Variants in EVA1C observed in about 807,000 individuals in gnomAD.
EVA1C encodes eva-1 homolog C, also known as protein eva-1 homolog C.
A neutral mutation model predicts 45.4 loss-of-function variants in EVA1C; 25 were observed. The ratio of observed to expected loss-of-function variants is 0.55; its 90% CI spans 0.40 to 0.77. EVA1C has a LOEUF of 0.77. Ranked by LOEUF, EVA1C falls within the 30% of genes least tolerant of loss-of-function variation. The pLI, the probability that EVA1C is intolerant of heterozygous loss-of-function variation, is 0.00. For synonymous variants in EVA1C, 190 were observed against 221.2 expected, an observed-to-expected ratio of 0.86 and a Z score of 1.25; for missense variants, 479 against 554.8, an observed-to-expected ratio of 0.86 and a Z score of 1.37.
At chr21:32,485,269 T>G (rs1867276735) in intron 4 of EVA1C, among the ~76,000 whole-genome samples, 1 of 152,020 alleles carries the variant, frequency 6.6e-6, no homozygotes, top group Non-Finnish European at 1.5e-5. Context: ...CAGCCTCCAC[T>G]TCCCAGGTTC....
intron 1 of EVA1C, among the ~76,000 whole-genome samples, chr21:32,447,253 T>C (rs1347710116): frequency 6.6e-6 from 1 of 151,658 alleles, no homozygotes; most frequent in Non-Finnish European, 1.5e-5. Context: ...GGCACTGTAG[T>C]CCCAGCTACT....
intron 5 of EVA1C, chr21:32,497,273 G>T: frequency 1.4e-6 from 1 of 736,492 alleles, no homozygotes; most frequent in South Asian, 1.4e-5. Flanking sequence ...CATGACATTA[G>T]ATCAAAGAAA....
intron 4 of EVA1C, among the ~76,000 whole-genome samples, chr21:32,487,718 T>TA (rs2037018679): frequency 8.1e-6 from 1 of 124,116 alleles, no homozygotes; most frequent in Non-Finnish European, 1.7e-5. Flanking sequence ...AGACTCCATC[T>TA]CAAAAAAAAA....
intron 1 of EVA1C, among the ~76,000 whole-genome samples, chr21:32,431,409 C>T (rs1483559758): frequency 5.3e-5 from 8 of 152,232 alleles, no homozygotes; most frequent in Non-Finnish European, 7.3e-5. Context: ...TGTCACCCAA[C>T]GACACTAAGG....
chr21:32,440,177 CAA>C (rs1162211829), intron 1 of EVA1C, among the ~76,000 whole-genome samples: 2 of 152,078 alleles, frequency 1.3e-5, no homozygotes, highest in Non-Finnish European at 2.9e-5. Context: ...TGGCCAATTC[CAA>C]GCAGAAAAGA....
chr21:32,461,185 T>C (rs879620555), intron 3 of EVA1C, among the ~76,000 whole-genome samples: 10 of 152,174 alleles, frequency 6.6e-5, no homozygotes, highest in Non-Finnish European at 1.3e-4. Flanking sequence ...TGCAGGTGCA[T>C]TGGCGCAGCC....
intron 7 of EVA1C, among the ~76,000 whole-genome samples, chr21:32,504,796 A>G (rs2037670293): frequency 6.6e-6 from 1 of 152,198 alleles, no homozygotes; most frequent in African/African-American, 2.4e-5. Context: ...CTCAGAGGAA[A>G]ATAGAGGCTT....
chr21:32,475,879 T>TTATCTATCTATC (rs10661334), intron 4 of EVA1C, among the ~76,000 whole-genome samples: 4,841 of 100,384 alleles, frequency 0.048, 114 homozygotes, highest in South Asian at 0.063. Flanking sequence ...TCTAAAAACT[T>TTATCTATCTATC]TATCTATCTA....
intron 1 of EVA1C, chr21:32,433,027 CA>C (rs1200169169): frequency 1.3e-5 from 2 of 152,328 alleles, no homozygotes; most frequent in African/African-American, 4.8e-5. Flanking sequence ...CCACCACGCC[CA>C]CCTCTGTCTT....
intron 4 of EVA1C, among the ~76,000 whole-genome samples, chr21:32,479,702 G>T (rs2036707636): frequency 6.6e-6 from 1 of 151,758 alleles, no homozygotes; most frequent in Admixed American, 6.6e-5. Flanking sequence ...TGTGATCCCA[G>T]CACTTTGGGA....
At chr21:32,480,966 A>C in intron 4 of EVA1C, among the ~76,000 whole-genome samples, 1 of 151,564 alleles carries the variant, frequency 6.6e-6, no homozygotes, top group Non-Finnish European at 1.5e-5. Flanking sequence ...CGTCTCAAAA[A>C]AAAAAAAATA....
intron 4 of EVA1C, among the ~76,000 whole-genome samples, chr21:32,471,635 T>TC: frequency 7.3e-6 from 1 of 136,808 alleles, no homozygotes; most frequent in East Asian, 2.2e-4. Flanking sequence ...CTCCATTTCC[T>TC]TTTTTTTTTT....
chr21:32,419,811 G>A (rs2034194656), intron 1 of EVA1C, among the ~76,000 whole-genome samples: 1 of 152,140 alleles, frequency 6.6e-6, no homozygotes, highest in Non-Finnish European at 1.5e-5. Flanking sequence ...AGCGGGGGTG[G>A]GGGCTGGGGG....
chr21:32,464,247 T>C (rs1484158946), intron 3 of EVA1C, among the ~76,000 whole-genome samples: 5 of 152,208 alleles, frequency 3.3e-5, no homozygotes, highest in African/African-American at 1.2e-4. Flanking sequence ...TTAGTCACCA[T>C]TTTCATTTTT....
chr21:32,422,667 G>GAAAC (rs778398225), intron 1 of EVA1C, among the ~76,000 whole-genome samples: 1 of 152,082 alleles, frequency 6.6e-6, no homozygotes, highest in Admixed American at 6.6e-5. Context: ...CAGGTTCTGA[G>GAAAC]AAACAAACAA....
intron 7 of EVA1C, among the ~76,000 whole-genome samples, chr21:32,504,798 T>C (rs574690645): frequency 2.0e-5 from 3 of 152,108 alleles, no homozygotes; most frequent in East Asian, 3.9e-4. Flanking sequence ...CAGAGGAAAA[T>C]AGAGGCTTAG....
chr21:32,458,686 G>C (rs1163572009), intron 3 of EVA1C, among the ~76,000 whole-genome samples: 1 of 151,820 alleles, frequency 6.6e-6, no homozygotes, highest in Non-Finnish European at 1.5e-5. Context: ...TTGCCATGTT[G>C]GTCAGGCTGG....
intron 1 of EVA1C, among the ~76,000 whole-genome samples, chr21:32,444,587 G>A (rs552569820): frequency 3.3e-5 from 5 of 152,284 alleles, no homozygotes; most frequent in South Asian, 4.1e-4. Flanking sequence ...TCTGCTATCC[G>A]GAAGCTCTCC....
At chr21:32,496,384 T>A (rs971605709) in intron 5 of EVA1C, among the ~76,000 whole-genome samples, 2 of 152,254 alleles carry the variant, frequency 1.3e-5, no homozygotes, top group African/African-American at 4.8e-5. Context: ...GAATTTTATA[T>A]CCTGAACTAA....
Sources: allele counts gnomAD v4.1 joint callset (sites outside exome capture counted in the v4.1 genomes callset), GRCh38; gene constraint gnomAD v4.1.1; transcripts MANE v1.5; gene names NCBI Gene and HGNC (gene_info 2026-07-23, HGNC 2026-07-21).